Variants in PTPN9 observed in about 807,000 individuals in gnomAD.
PTPN9 encodes protein tyrosine phosphatase non-receptor type 9.
In PTPN9, 26 loss-of-function variants were observed where a neutral mutation model predicts 69.8. The ratio of observed to expected loss-of-function variants is 0.37; its 90% CI spans 0.27 to 0.52. The LOEUF (loss-of-function observed/expected upper bound fraction) is 0.52, where lower values mean the gene tolerates loss of function less well. Ranked by LOEUF, PTPN9 falls within the 20% of genes least tolerant of loss-of-function variation. PTPN9 has a pLI of 0.91. For missense variants in PTPN9, 549 were observed against 740.3 expected (o/e 0.74, Z 3.00); for synonymous variants, 274 against 272.5 (o/e 1.01, Z -0.05).
chr15:75,537,416 A>T (rs1404248498), intron 1 of PTPN9, among the ~76,000 whole-genome samples: 1 of 143,016 alleles, frequency 7.0e-6, no homozygotes, highest in Non-Finnish European at 1.5e-5. Flanking sequence ...CTAAACAAAA[A>T]CAAGAGGAAT....
intron 7 of PTPN9, 23 bp downstream of exon 7, chr15:75,505,646 AGCTGCT>A (rs1322072678): frequency 6.4e-7 from 1 of 1,573,412 alleles, no homozygotes; most frequent in Admixed American, 1.7e-5. Context: ...CCTGGTAACC[AGCTGCT>A]GGCCCAAACT....
At chr15:75,576,168 T>A (rs1368094146) in intron 1 of PTPN9, among the ~76,000 whole-genome samples, 2 of 141,692 alleles carry the variant, frequency 1.4e-5, no homozygotes, top group African/African-American at 5.3e-5. Context: ...GGAGGCAGAG[T>A]TTGCAGTGAG....
intron 1 of PTPN9, among the ~76,000 whole-genome samples, chr15:75,529,392 A>C (rs1233299384): frequency 6.6e-6 from 1 of 152,200 alleles, no homozygotes; most frequent in Non-Finnish European, 1.5e-5. Context: ...CAATATGACG[A>C]ACCTGATGAG....
intron 8 of PTPN9, among the ~76,000 whole-genome samples, chr15:75,485,876 A>G (rs943881885): frequency 9.3e-5 from 14 of 150,992 alleles, no homozygotes; most frequent in Middle Eastern, 3.4e-3. Flanking sequence ...CAAGGCGGGC[A>G]GATCACGAGG....
At chr15:75,536,965 GAATT>G (rs1476202659) in intron 1 of PTPN9, among the ~76,000 whole-genome samples, 1 of 152,112 alleles carries the variant, frequency 6.6e-6, no homozygotes, top group Non-Finnish European at 1.5e-5. Context: ...ATGAATGAAT[GAATT>G]AATTATTGAA....
At chr15:75,561,840 G>C (rs2075105242) in intron 1 of PTPN9, among the ~76,000 whole-genome samples, 1 of 151,974 alleles carries the variant, frequency 6.6e-6, no homozygotes, top group Admixed American at 6.6e-5. Context: ...CTCCCAAGTA[G>C]CTGGGATTAC....
In PTPN9 at chr15:75,538,106, A is replaced by T. The variant is rs116458131; in HGVS notation, c.64-10845T>A. Among the ~76,000 whole-genome samples, 962 of 151,868 alleles carry T rather than the reference A, an allele frequency of 6.3e-3. 11 individuals are homozygous for T. Among genetic ancestry groups the T allele is most frequent in the African/African-American group, 0.022 (920 of 41,514 alleles). ...AACACACACACACACAAAGCTTCAC[A>T]GTAAAGATAGCTCTCACATTACAGG... On this transcript the variant is annotated intron_variant, in intron 1 of 12. Transcript: ENST00000618819.
rs1055138413 is a variant in PTPN9, at chr15:75,467,490, C to T, written c.*1279G>A. 3 of 152,404 alleles carry T rather than the reference C, an allele frequency of 2.0e-5. No individual in the cohort carries two copies. The highest frequency in any genetic ancestry group is 4.4e-5 in the Non-Finnish European group (3 of 68,028). The allele number at this position is 152,404 out of a possible 1,614,324, so 9.4% of individuals were successfully genotyped here. ...GACAAACAGTGATTGCAGGGGACCA[C>T]CTCACTCAGCCAGGGGGTGAAGCTT... On this transcript the variant is annotated 3_prime_UTR_variant, in exon 13 of 13. Coordinates refer to ENST00000618819, the MANE Select transcript of PTPN9 (RefSeq NM_002833.4).
At chr15:75,524,681 G>A (rs2074919517) in intron 2 of PTPN9, among the ~76,000 whole-genome samples, 1 of 149,904 alleles carries the variant, frequency 6.7e-6, no homozygotes, top group African/African-American at 2.5e-5. Context: ...AGGAGGCTGA[G>A]GCAGGAGAAT....
intron 1 of PTPN9, among the ~76,000 whole-genome samples, chr15:75,563,824 T>C (rs913529461): frequency 2.0e-5 from 3 of 152,142 alleles, no homozygotes; most frequent in Non-Finnish European, 4.4e-5. Context: ...GATAGAGAGC[T>C]CCAACCTTGC....
chr15:75,516,037 G>T (rs1397444924), intron 5 of PTPN9, among the ~76,000 whole-genome samples: 2 of 151,944 alleles, frequency 1.3e-5, no homozygotes, highest in African/African-American at 2.4e-5. Context: ...TATTTAAAAA[G>T]GCTCCTTAGT....
intron 5 of PTPN9, 144 bp from the exon 6 acceptor site, chr15:75,509,171 GA>G: frequency 4.9e-6 from 3 of 609,180 alleles, no homozygotes; most frequent in South Asian, 4.3e-5. Flanking sequence ...GCAGCTAGAG[GA>G]AAAGTGGTTA....
At chr15:75,565,106 AT>A (rs2075121024) in intron 1 of PTPN9, among the ~76,000 whole-genome samples, 1 of 108,988 alleles carries the variant, frequency 9.2e-6, no homozygotes, top group Non-Finnish European at 1.8e-5. Context: ...GTCTCAAAAA[AT>A]ATATAATAAT....
intron 1 of PTPN9, among the ~76,000 whole-genome samples, chr15:75,531,294 G>A (rs555086907): frequency 1.7e-4 from 26 of 152,168 alleles, no homozygotes; most frequent in African/African-American, 6.3e-4. Flanking sequence ...TGCATGAAAA[G>A]AGCCAAGAAA....
Position 75,468,786 on chromosome 15 carries a change from C to T in PTPN9, c.1765G>A (p.Ala589Thr), listed in dbSNP as rs1249194516. 1 of 1,613,942 alleles carries T rather than the reference C, an allele frequency of 6.2e-7. No individual in the cohort carries two copies. The highest frequency in any genetic ancestry group is 8.5e-7 in the Non-Finnish European group (1 of 1,179,938). ...GMVSSGQNLL[A>T]VESQ ...TAGGAGAGTTACTGACTCTCCACGG[C>T]CAGCAGGTTTTGGCCAGAGGATACC... Residue 589 changes from alanine (A) to threonine (T), a missense_variant, in exon 13 of 13, where the codon GCC becomes ACC. Coordinates refer to ENST00000618819, the MANE Select transcript of PTPN9 (RefSeq NM_002833.4).
chr15:75,578,852 G>C lies in PTPN9; in HGVS notation c.-76C>G. The C allele has an allele frequency of 4.9e-6, 5 of 1,025,302 alleles. No individual in the cohort carries two copies. The highest frequency in any genetic ancestry group is 6.1e-6 in the Non-Finnish European group (5 of 813,788). 63.5% of individuals were successfully genotyped at this position (1,025,302 alleles called of 1,614,324 possible). On this transcript the variant is annotated 5_prime_UTR_variant, in exon 1 of 13. Coordinates refer to ENST00000618819, the MANE Select transcript of PTPN9 (RefSeq NM_002833.4). ...CCCGGCGCGCTCGGCCTCCGCTTCCGCGTCCCCGCGCCTCAGCAGCCCGGG... is the reference window on the plus strand; with the variant it reads ...CCCGGCGCGCTCGGCCTCCGCTTCCCCGTCCCCGCGCCTCAGCAGCCCGGG...
intron 1 of PTPN9, among the ~76,000 whole-genome samples, chr15:75,570,561 G>A (rs2075144260): frequency 1.3e-5 from 2 of 152,124 alleles, no homozygotes; most frequent in Admixed American, 1.3e-4. Flanking sequence ...CTTGAGCTTA[G>A]GAGTTCGTGA....
rs371578692 is a variant in PTPN9 at position 75,503,049 on chromosome 15, G to A, written c.968+2626C>T. 8.6e-5 allele frequency among the ~76,000 whole-genome samples: 13 copies of A among 151,768 alleles called. No homozygotes were observed. In the East Asian group the frequency reaches 1.9e-3, roughly 23 times the overall value. On this transcript the variant is annotated intron_variant, in intron 7 of 12. Transcript: ENST00000618819. Reference sequence around the variant, plus strand: ...AGTGCCGAGATTGCAGCCTCTGCCCGGCCACCACCCCGTCTGGGAAGTGAG... The same window carrying A: ...AGTGCCGAGATTGCAGCCTCTGCCCAGCCACCACCCCGTCTGGGAAGTGAG...
intron 10 of PTPN9, among the ~76,000 whole-genome samples, chr15:75,472,482 A>C (rs1175342601): frequency 2.1e-5 from 3 of 143,266 alleles, no homozygotes; most frequent in Non-Finnish European, 4.6e-5. Flanking sequence ...AAATAAAATA[A>C]AATAAAATAA....
Sources: gnomAD v4.1 joint callset for allele counts (sites outside exome capture counted in the v4.1 genomes callset) on GRCh38, gnomAD v4.1.1 for gene constraint, MANE v1.5 for transcripts, NCBI Gene and HGNC (gene_info 2026-07-23, HGNC 2026-07-21) for gene names.